Variants in DCC observed in about 807,000 individuals in gnomAD.
DCC encodes the protein DCC netrin 1 receptor, also known as netrin receptor DCC.
A neutral mutation model predicts 172.5 loss-of-function variants in DCC; 58 were observed. The ratio of observed to expected loss-of-function variants is 0.34; its 90% CI spans 0.27 to 0.42. The LOEUF is 0.42. Ranked by LOEUF, DCC falls within the 10% of genes least tolerant of loss-of-function variation. The pLI, the probability that DCC is intolerant of heterozygous loss-of-function variation, is 1.00. For synonymous variants in DCC, 709 were observed against 644.5 expected, an observed-to-expected ratio of 1.10 and a Z score of -1.52; for missense variants, 1,740 against 1,791.0, an observed-to-expected ratio of 0.97 and a Z score of 0.51.
intron 2 of DCC, among the ~76,000 whole-genome samples, chr18:52,852,805 C>T (rs55866033): frequency 6.6e-6 from 1 of 151,962 alleles, no homozygotes; most frequent in African/African-American, 2.4e-5. Flanking sequence ...ATGATAGTTG[C>T]CATTGTTGAA....
intron 27 of DCC, among the ~76,000 whole-genome samples, chr18:53,526,214 A>G (rs2046453414): frequency 6.6e-6 from 1 of 152,076 alleles, no homozygotes; most frequent in Admixed American, 6.6e-5. Context: ...AACTCTGCAA[A>G]TCTTCCTTGG....
At chr18:53,347,266 G>T (rs1437097367) in intron 15 of DCC, among the ~76,000 whole-genome samples, 1 of 152,102 alleles carries the variant, frequency 6.6e-6, no homozygotes, top group Non-Finnish European at 1.5e-5. Context: ...TCCAACGCTG[G>T]TCGCTTCATC....
chr18:53,517,923 A>T (rs1332540048), intron 27 of DCC, among the ~76,000 whole-genome samples: 1 of 152,012 alleles, frequency 6.6e-6, no homozygotes, highest in Non-Finnish European at 1.5e-5. Flanking sequence ...AAATGCGGCT[A>T]CTCTCTTTTT....
intron 12 of DCC, among the ~76,000 whole-genome samples, chr18:53,292,020 G>A (rs868721639): frequency 1.8e-4 from 27 of 152,034 alleles, no homozygotes; most frequent in Admixed American, 3.3e-4. Context: ...TGTAAAAAAT[G>A]CTATTTTAAA....
At position 53,054,827 on chromosome 18, in the gene DCC, A is replaced by G. The variant is rs372139883; in HGVS notation, c.986-8478A>G. ...TTTCTCAGCAAATTGTGCTCACGAG[A>G]AGTATACTATTAGGGTTTGAAAATA... On this transcript the variant is annotated intron_variant, in intron 5 of 28. Transcript: ENST00000442544. Among the ~76,000 whole-genome samples, 31 of 152,230 alleles carry G rather than the reference A, an allele frequency of 2.0e-4. No homozygotes were observed. The East Asian group carries it at 4.3e-3, about 21-fold the overall frequency.
rs190277166 is a variant in DCC, at chr18:53,136,598, T to C, written c.1262-20758T>C. ...ATAGTAACAGAAAGAAGATCACAGG[T>C]TGCTAGGAACTGGAGGTGGCAGGAG... is the stretch of plus-strand genomic sequence containing the variant. On this transcript the variant is annotated intron_variant, in intron 7 of 28. Coordinates refer to ENST00000442544, the MANE Select transcript of DCC (RefSeq NM_005215.4). Among the ~76,000 whole-genome samples, 435 of 152,188 alleles carry C rather than the reference T, an allele frequency of 2.9e-3. 1 individual carries two copies. The highest frequency in any genetic ancestry group is 4.9e-3 in the Non-Finnish European group (335 of 67,984).
At chr18:52,677,112 G>C (rs1336130157) in intron 1 of DCC, among the ~76,000 whole-genome samples, 1 of 152,046 alleles carries the variant, frequency 6.6e-6, no homozygotes, top group Non-Finnish European at 1.5e-5. Flanking sequence ...AATAGATGTG[G>C]CATAATGCAT....
chr18:52,938,928 T>G (rs572630711), intron 5 of DCC, among the ~76,000 whole-genome samples: 1 of 152,192 alleles, frequency 6.6e-6, no homozygotes, highest in Non-Finnish European at 1.5e-5. Flanking sequence ...TCCTAACTTG[T>G]CTCTCTTCCA....
intron 1 of DCC, among the ~76,000 whole-genome samples, chr18:52,577,028 G>A (rs2033430935): frequency 6.6e-6 from 1 of 152,046 alleles, no homozygotes; most frequent in Non-Finnish European, 1.5e-5. Flanking sequence ...GTCAATATTT[G>A]GGTGTTTTCA....
intron 1 of DCC, among the ~76,000 whole-genome samples, chr18:52,482,436 G>A (rs937235386): frequency 6.6e-6 from 1 of 152,120 alleles, no homozygotes; most frequent in Non-Finnish European, 1.5e-5. Flanking sequence ...ACTATATGGT[G>A]TAAACAACGA....
intron 12 of DCC, among the ~76,000 whole-genome samples, chr18:53,220,936 GT>G (rs2055923115): frequency 6.6e-6 from 1 of 152,038 alleles, no homozygotes; most frequent in African/African-American, 2.4e-5. Flanking sequence ...TAGTCTTTCT[GT>G]TTGGAATTTG....
At chr18:53,052,061 C>A (rs1454832464) in intron 5 of DCC, among the ~76,000 whole-genome samples, 2 of 151,934 alleles carry the variant, frequency 1.3e-5, no homozygotes. Context: ...TTTACATTCA[C>A]TCTGATGATA....
At chr18:52,664,510 A>C in intron 1 of DCC, among the ~76,000 whole-genome samples, 1 of 113,868 alleles carries the variant, frequency 8.8e-6, no homozygotes, top group African/African-American at 3.5e-5. Context: ...AGGCTCTGTC[A>C]CCCAGGCTAG....
intron 12 of DCC, among the ~76,000 whole-genome samples, chr18:53,280,436 C>T (rs1029347580): frequency 6.6e-6 from 1 of 152,092 alleles, no homozygotes; most frequent in Non-Finnish European, 1.5e-5. Flanking sequence ...ACATTTCAAT[C>T]TCCAATCTTG....
At chr18:53,509,743 CCTG>C (rs772560486) in intron 27 of DCC, among the ~76,000 whole-genome samples, 2 of 152,156 alleles carry the variant, frequency 1.3e-5, no homozygotes, top group Non-Finnish European at 2.9e-5. Flanking sequence ...AACCACTTGA[CCTG>C]CTGTTTTGTC....
chr18:53,402,841 T>A lies in DCC; in HGVS notation c.2883T>A (p.Arg961=), dbSNP rs1175998230. The change falls in exon 19 of 29, where the codon CGT becomes CGA. Residue 961 remains arginine, a synonymous_variant. Transcript: ENST00000442544. ...LTVITREGKP[R]AVIVSWQPPL... is the part of the protein sequence containing the mutation. Reference sequence around the variant, plus strand: ...TCATTACTAGGGAAGGGAAGCCTCGTGCCGTCATTGTGAGTTGGCAGCCTC... The same window carrying A: ...TCATTACTAGGGAAGGGAAGCCTCGAGCCGTCATTGTGAGTTGGCAGCCTC... The A allele has an allele frequency of 1.2e-6, 2 of 1,614,134 alleles. No individual in the cohort carries two copies. Among genetic ancestry groups the A allele is most frequent in the African/African-American group, 2.7e-5 (2 of 75,044 alleles).
intron 2 of DCC, among the ~76,000 whole-genome samples, chr18:52,779,115 T>C (rs2037485910): frequency 6.6e-6 from 1 of 152,206 alleles, no homozygotes; most frequent in African/African-American, 2.4e-5. Flanking sequence ...CCTTGTTCTT[T>C]TCAAGTGTAT....
intron 2 of DCC, among the ~76,000 whole-genome samples, chr18:52,775,230 C>T (rs1450320009): frequency 6.6e-6 from 1 of 151,594 alleles, no homozygotes. Context: ...ACTGCTCATG[C>T]TTCTAGGGGA....
intron 1 of DCC, among the ~76,000 whole-genome samples, chr18:52,388,310 A>G (rs1985897529): frequency 6.6e-6 from 1 of 151,612 alleles, no homozygotes; most frequent in Non-Finnish European, 1.5e-5. Context: ...AAATTCATAG[A>G]TGTGCTATGT....
Sources: allele counts gnomAD v4.1 joint callset (sites outside exome capture counted in the v4.1 genomes callset), GRCh38; gene constraint gnomAD v4.1.1; transcripts MANE v1.5; gene names NCBI Gene and HGNC (gene_info 2026-07-23, HGNC 2026-07-21).